ADGRV1: variants seen among roughly 807,000 people sequenced by gnomAD.
ADGRV1 encodes adhesion G protein-coupled receptor V1.
ADGRV1 carries 359 observed loss-of-function variants against 596.2 expected under a neutral mutation model. The ratio of observed to expected loss-of-function variants is 0.60; its 90% CI spans 0.55 to 0.66. The LOEUF (loss-of-function observed/expected upper bound fraction) is 0.66. Among genes scored for constraint, ADGRV1 ranks in the 30% least tolerant of loss-of-function variants. The probability of loss-of-function intolerance (pLI) is 0.00; values close to 1 mark genes in which losing one functional copy is unlikely to be tolerated. For synonymous variants in ADGRV1, 2,681 were observed against 2,679.2 expected (o/e 1.00, Z -0.02); for missense variants, 7,274 against 7,575.6 (o/e 0.96, Z 1.48).
At chr5:90,628,059 A>C (rs1392341721) in intron 7 of ADGRV1, 2 of 215,830 alleles carry the variant, frequency 9.3e-6, no homozygotes, top group Non-Finnish European at 1.8e-5. Flanking sequence ...GTAGTTCCCT[A>C]GGACACATTC....
intron 79 of ADGRV1, among the ~76,000 whole-genome samples, chr5:90,853,002 G>A (rs560705941): frequency 6.6e-6 from 1 of 152,232 alleles, no homozygotes; most frequent in Admixed American, 6.5e-5. Flanking sequence ...CATCTTTATG[G>A]CCACAGATTT....
At chr5:90,615,134 G>T (rs1763208404) in intron 2 of ADGRV1, 115 bp downstream of exon 2, 2 of 616,102 alleles carry the variant, frequency 3.2e-6, no homozygotes, top group Middle Eastern at 4.5e-4. Flanking sequence ...TATGATAAAT[G>T]ATGGATAATT....
chr5:90,888,875 G>A (rs1452047642), intron 83 of ADGRV1, among the ~76,000 whole-genome samples: 1 of 152,024 alleles, frequency 6.6e-6, no homozygotes, highest in East Asian at 1.9e-4. Flanking sequence ...ACAGACTCTA[G>A]TGAAATATAG....
chr5:90,860,581 G>T (rs953656273), intron 82 of ADGRV1, among the ~76,000 whole-genome samples: 2 of 152,112 alleles, frequency 1.3e-5, no homozygotes, highest in African/African-American at 2.4e-5. Context: ...ATAGTGATAA[G>T]CAACAAAAAG....
chr5:90,991,932 C>T (rs1021900775), intron 85 of ADGRV1, among the ~76,000 whole-genome samples: 2 of 152,192 alleles, frequency 1.3e-5, no homozygotes, highest in Non-Finnish European at 1.5e-5. Flanking sequence ...TGAACAAAGT[C>T]ACCATACATC....
intron 76 of ADGRV1, 148 bp downstream of exon 76, chr5:90,823,744 A>G (rs764617102): frequency 2.0e-5 from 13 of 657,256 alleles, no homozygotes; most frequent in Non-Finnish European, 3.0e-5. Flanking sequence ...CTCTTTGCCG[A>G]CAACAGGCTT....
At chr5:90,729,381 A>G (rs1411896317) in intron 49 of ADGRV1, among the ~76,000 whole-genome samples, 3 of 152,204 alleles carry the variant, frequency 2.0e-5, no homozygotes, top group African/African-American at 4.8e-5. Context: ...AAATTGCAAC[A>G]TTCCTAAAAA....
chr5:91,035,674 T>C (rs1180997859), intron 85 of ADGRV1, among the ~76,000 whole-genome samples: 5 of 151,432 alleles, frequency 3.3e-5, no homozygotes, highest in Admixed American at 3.3e-4. Flanking sequence ...TGAAATCATG[T>C]ATCTGCCTGC....
At position 90,848,715 on chromosome 5, in the gene ADGRV1, AAC is replaced by A; in HGVS notation, c.17099_17100del (p.Asn5700ThrfsTer7). The A allele has an allele frequency of 6.3e-7, 1 of 1,588,632 alleles. No individual in the cohort carries two copies. Among genetic ancestry groups the A allele is most frequent in the East Asian group, 2.3e-5 (1 of 42,782 alleles). On this transcript the variant is annotated frameshift_variant, in exon 79 of 90. Coordinates refer to ENST00000405460, the MANE Select transcript of ADGRV1 (RefSeq NM_032119.4). LOFTEE classifies it high-confidence loss of function. ...LFYEILCSLI[N>X]PKRKDTRGFS... Reference sequence around the variant, plus strand: ...CTATGAGATTCTTTGTTCTCTTATTAACCCAAAGCGCAAGGACACTAGGGGAT... The same window carrying A: ...CTATGAGATTCTTTGTTCTCTTATTACCAAAGCGCAAGGACACTAGGGGAT...
At position 90,683,887 on chromosome 5, in the gene ADGRV1, A is replaced by T; in HGVS notation, c.5966A>T (p.Lys1989Ile). 1 of 1,613,548 alleles carries T rather than the reference A, an allele frequency of 6.2e-7. No homozygotes were observed. The highest frequency in any genetic ancestry group is 1.3e-5 in the African/African-American group (1 of 75,042). Residue 1989 changes from lysine to isoleucine, a missense_variant, in exon 28 of 90, where the codon AAA (lysine) becomes ATA (isoleucine). Physicochemically the swap from Lys to Ile is moderately radical, Grantham distance 102. Coordinates refer to ENST00000405460, the MANE Select transcript of ADGRV1 (RefSeq NM_032119.4). ...TTTTCTGAGAAAAACAGACCTGTTA[A>T]AGTTGAGGAAGCAACCCAGAACATC... is the stretch of plus-strand genomic sequence containing the variant. ...FIFSEKNRPV[K>I]VEEATQNITL...
In ADGRV1 at chr5:90,807,875, C is replaced by A; in HGVS notation, c.14972+138C>A. Reference sequence around the variant, plus strand: ...AGTTTTAGTGTAGAGCATCACGTGGCGTGCATGCTGGAGAGGGAGGTGGCT... The same window carrying A: ...AGTTTTAGTGTAGAGCATCACGTGGAGTGCATGCTGGAGAGGGAGGTGGCT... On this transcript the variant is annotated intron_variant, in intron 73 of 89. Transcript: ENST00000405460. The A allele has an allele frequency of 5.5e-6, 4 of 731,920 alleles. No homozygotes were observed. In the East Asian group the frequency reaches 8.7e-5, roughly 16 times the overall value. The allele number at this position is 731,920 out of a possible 1,614,324, so 45.3% of individuals were successfully genotyped here. A position where few individuals can be genotyped will look rare whatever the true frequency, so the allele number is the denominator to read the frequency against.
At chr5:90,640,142 A>G (rs1766778994) in intron 11 of ADGRV1, among the ~76,000 whole-genome samples, 1 of 152,232 alleles carries the variant, frequency 6.6e-6, no homozygotes, top group South Asian at 2.1e-4. Flanking sequence ...CTATATTTAT[A>G]AATGGTGCAT....
intron 82 of ADGRV1, among the ~76,000 whole-genome samples, chr5:90,862,042 A>C (rs1188397595): frequency 6.6e-6 from 1 of 152,238 alleles, no homozygotes; most frequent in African/African-American, 2.4e-5. Flanking sequence ...ACCAGGTGTC[A>C]TGCTAGCATT....
intron 84 of ADGRV1, among the ~76,000 whole-genome samples, chr5:90,974,866 A>T (rs1384974713): frequency 1.3e-5 from 2 of 152,208 alleles, no homozygotes; most frequent in African/African-American, 4.8e-5. Context: ...TAATTAAACT[A>T]AAGAGCTTCT....
At chr5:90,837,165 T>G (rs1765039491) in intron 77 of ADGRV1, among the ~76,000 whole-genome samples, 1 of 152,212 alleles carries the variant, frequency 6.6e-6, no homozygotes, top group Admixed American at 6.5e-5. Flanking sequence ...CCTTCCTATT[T>G]GAGACAATAA....
chr5:90,979,073 A>G (rs897355683), intron 84 of ADGRV1, among the ~76,000 whole-genome samples: 2 of 152,130 alleles, frequency 1.3e-5, no homozygotes, highest in Non-Finnish European at 2.9e-5. Flanking sequence ...CAAGTAAAAC[A>G]TATCTCCACT....
chr5:90,868,756 G>A (rs1195147072), intron 83 of ADGRV1, among the ~76,000 whole-genome samples: 4 of 150,386 alleles, frequency 2.7e-5, no homozygotes, highest in Non-Finnish European at 4.4e-5. Flanking sequence ...GGGTGAATAT[G>A]AATAAAGACA....
chr5:90,738,187 A>G (rs1465314709), intron 50 of ADGRV1, among the ~76,000 whole-genome samples: 2 of 152,124 alleles, frequency 1.3e-5, no homozygotes, highest in Admixed American at 6.5e-5. Context: ...TTAACTTCAT[A>G]GCAAACAAAA....
chr5:91,131,426 T>C (rs1402153541), intron 87 of ADGRV1, among the ~76,000 whole-genome samples: 1 of 151,772 alleles, frequency 6.6e-6, no homozygotes, highest in Non-Finnish European at 1.5e-5. Flanking sequence ...GTTTGGGTTT[T>C]TTTTTTTTTT....
Sources: allele counts gnomAD v4.1 joint callset (sites outside exome capture counted in the v4.1 genomes callset), GRCh38; gene constraint gnomAD v4.1.1; transcripts MANE v1.5; gene names NCBI Gene and HGNC (gene_info 2026-07-23, HGNC 2026-07-21).